AHI1: variants seen among roughly 807,000 people sequenced by gnomAD.
AHI1 encodes the protein Abelson helper integration site 1.
In AHI1, 123 loss-of-function variants were observed where a neutral mutation model predicts 149.3. That is an observed-to-expected ratio of 0.82 (90% CI 0.71 to 0.96). The LOEUF (loss-of-function observed/expected upper bound fraction) is 0.96, where lower values mean the gene tolerates loss of function less well. Among genes scored for constraint, AHI1 ranks in the 40% least tolerant of loss-of-function variants. The pLI, the probability that AHI1 is intolerant of heterozygous loss-of-function variation, is 0.00. For synonymous variants in AHI1, 475 were observed against 459.8 expected, an observed-to-expected ratio of 1.03 and a Z score of -0.42; for missense variants, 1,439 against 1,422.7, an observed-to-expected ratio of 1.01 and a Z score of -0.18.
chr6:135,290,777 G>T (rs1442776635), intron 27 of AHI1, among the ~76,000 whole-genome samples: 1 of 152,086 alleles, frequency 6.6e-6, no homozygotes, highest in African/African-American at 2.4e-5. Context: ...AAAGGGACAA[G>T]AATAAAATAA....
intron 27 of AHI1, 121 bp from the exon 28 acceptor site, chr6:135,290,646 A>G: frequency 1.1e-6 from 1 of 906,738 alleles, no homozygotes; most frequent in Non-Finnish European, 1.7e-6. Flanking sequence ...ATGTGAGGAT[A>G]TGACAGAGAA....
intron 23 of AHI1, among the ~76,000 whole-genome samples, chr6:135,371,491 A>G (rs1775054288): frequency 6.6e-6 from 1 of 152,122 alleles, no homozygotes; most frequent in Non-Finnish European, 1.5e-5. Flanking sequence ...TGCCTTTGTT[A>G]TCATTAATCT....
Position 135,469,153 on chromosome 6 carries a change from T to C in AHI1, c.136-1519A>G, listed in dbSNP as rs113977676. Among the ~76,000 whole-genome samples, 20 of 152,302 alleles carry C rather than the reference T, an allele frequency of 1.3e-4. No homozygotes were observed. In the East Asian group the frequency reaches 3.5e-3, roughly 26 times the overall value. On this transcript the variant is annotated intron_variant, in intron 5 of 28. Coordinates refer to ENST00000265602, the MANE Select transcript of AHI1 (RefSeq NM_001134831.2). Reference sequence around the variant, plus strand: ...AAATCCAGCAGCACATCAAAAAGCTTATCCACCACCATCAAGTCAGCTTCA... The same window carrying C: ...AAATCCAGCAGCACATCAAAAAGCTCATCCACCACCATCAAGTCAGCTTCA...
intron 5 of AHI1, among the ~76,000 whole-genome samples, chr6:135,479,996 T>C (rs146487084): frequency 6.6e-6 from 1 of 152,304 alleles, no homozygotes; most frequent in African/African-American, 2.4e-5. Flanking sequence ...CCACCATTAT[T>C]GTAGTGTCTG....
intron 23 of AHI1, among the ~76,000 whole-genome samples, chr6:135,361,692 CACGT>C (rs1406271710): frequency 7.4e-6 from 1 of 135,342 alleles, no homozygotes; most frequent in Non-Finnish European, 1.6e-5. Context: ...CACACACACA[CACGT>C]GTGTATATTT....
At chr6:135,453,557 A>G in intron 10 of AHI1, 121 bp from the exon 11 acceptor site, 1 of 723,248 alleles carries the variant, frequency 1.4e-6, no homozygotes, top group Non-Finnish European at 2.3e-6. Context: ...TACAGGGAAT[A>G]AAAACATTTT....
chr6:135,487,226 A>G (rs1162794447), intron 5 of AHI1, among the ~76,000 whole-genome samples: 1 of 152,090 alleles, frequency 6.6e-6, no homozygotes, highest in Non-Finnish European at 1.5e-5. Context: ...GACAACTTAG[A>G]AAGTGTAATA....
chr6:135,296,221 A>T (rs1023361001), intron 27 of AHI1, among the ~76,000 whole-genome samples: 1 of 152,076 alleles, frequency 6.6e-6, no homozygotes, highest in Non-Finnish European at 1.5e-5. Flanking sequence ...ATAAAATCTG[A>T]CCTCTTTTCA....
intron 4 of AHI1, 69 bp downstream of exon 4, chr6:135,492,159 A>C (rs1237820506): frequency 7.8e-7 from 1 of 1,276,552 alleles, no homozygotes; most frequent in East Asian, 2.6e-5. Flanking sequence ...GAATCCCTTA[A>C]AATAAACCAA....
intron 23 of AHI1, among the ~76,000 whole-genome samples, chr6:135,381,152 T>C (rs1411434233): frequency 6.6e-6 from 1 of 151,846 alleles, no homozygotes; most frequent in Admixed American, 6.6e-5. Context: ...AAGACTGAGA[T>C]AACATTATGC....
intron 20 of AHI1, among the ~76,000 whole-genome samples, chr6:135,418,742 G>C (rs529920416): frequency 7.2e-5 from 11 of 151,934 alleles, no homozygotes; most frequent in African/African-American, 2.7e-4. Flanking sequence ...TAATTCCTTT[G>C]TTCAAGACAT....
chr6:135,424,198 A>G (rs757707201), intron 20 of AHI1, among the ~76,000 whole-genome samples: 1 of 152,094 alleles, frequency 6.6e-6, no homozygotes, highest in Non-Finnish European at 1.5e-5. Flanking sequence ...CTCCAGGAGC[A>G]AACTGCATTG....
chr6:135,411,966 C>T (rs1781662160), intron 20 of AHI1, among the ~76,000 whole-genome samples: 1 of 152,094 alleles, frequency 6.6e-6, no homozygotes, highest in African/African-American at 2.4e-5. Flanking sequence ...AATGTAAATA[C>T]AATTTAACAT....
chr6:135,433,074 A>G lies in AHI1; in HGVS notation c.2219T>C (p.Phe740Ser). Residue 740 changes from phenylalanine (F) to serine (S), a missense_variant, in exon 16 of 29, where the codon TTT (phenylalanine) becomes TCT (serine). Coordinates refer to ENST00000265602, the MANE Select transcript of AHI1 (RefSeq NM_001134831.2). Reference protein sequence around the residue: ...REDSAILVRQFDVHKSFINSL... With the variant: ...REDSAILVRQSDVHKSFINSL... ...GTTGATAAAACTTTTGTGAACATCA[A>G]ACTGTCGGACCAATATGGCAGAATC... 3 of 1,613,648 alleles carry G rather than the reference A, an allele frequency of 1.9e-6. No individual in the cohort carries two copies. Among genetic ancestry groups the G allele is most frequent in the Non-Finnish European group, 1.7e-6 (2 of 1,179,690 alleles).
At chr6:135,466,657 C>T (rs1039916060) in intron 6 of AHI1, among the ~76,000 whole-genome samples, 1 of 152,002 alleles carries the variant, frequency 6.6e-6, no homozygotes. Flanking sequence ...GCTCAAATCT[C>T]AAATGCTATT....
Position 135,466,171 on chromosome 6 carries a change from T to C in AHI1, c.392A>G (p.Lys131Arg). ...KQGKPNKKVI[K>R]TVPQLTTQDL... ...TTGTGTAGTCAACTGGGGCACCGTCTTTATCACCTTTTTATTTGGCTTTCC... is the reference window on the plus strand; with the variant it reads ...TTGTGTAGTCAACTGGGGCACCGTCCTTATCACCTTTTTATTTGGCTTTCC... The change falls in exon 7 of 29, where the codon AAG becomes AGG. Residue 131 changes from lysine to arginine, a missense_variant. Coordinates refer to ENST00000265602, the MANE Select transcript of AHI1 (RefSeq NM_001134831.2). The C allele has an allele frequency of 6.2e-7, 1 of 1,613,958 alleles. No homozygotes were observed. Among genetic ancestry groups the C allele is most frequent in the South Asian group, 1.1e-5 (1 of 91,082 alleles).
At chr6:135,487,526 T>G (rs999936675) in intron 5 of AHI1, among the ~76,000 whole-genome samples, 2 of 152,148 alleles carry the variant, frequency 1.3e-5, no homozygotes, top group East Asian at 3.8e-4. Flanking sequence ...GATCATAAAT[T>G]TCCCATCAAA....
At chr6:135,482,893 G>GTTTTTTTTTTTTTTTTTTTTT (rs1491384083) in intron 5 of AHI1, among the ~76,000 whole-genome samples, 4 of 5,788 alleles carry the variant, frequency 6.9e-4, no homozygotes, top group African/African-American at 1.4e-3. Context: ...TCCATTTAAG[G>GTTTTTTTTTTTTTTTTTTTTT]CTTTTTTTTT....
At chr6:135,365,402 G>A (rs190238173) in intron 23 of AHI1, among the ~76,000 whole-genome samples, 161 of 152,236 alleles carry the variant, frequency 1.1e-3, no homozygotes, top group Non-Finnish European at 1.9e-3. Context: ...TTGGCAGTAC[G>A]GTCATTTTCA....
Sources: allele counts gnomAD v4.1 joint callset (sites outside exome capture counted in the v4.1 genomes callset), GRCh38; gene constraint gnomAD v4.1.1; transcripts MANE v1.5; gene names NCBI Gene and HGNC (gene_info 2026-07-23, HGNC 2026-07-21).